The following CCDC141 variants were observed in gnomAD, a reference collection of about 807,000 sequenced individuals.
CCDC141 encodes coiled-coil domain-containing protein 141.
Under a neutral mutation model 181.0 loss-of-function variants are expected in CCDC141, and 168 were observed. That is an observed-to-expected ratio of 0.93 (90% CI 0.82 to 1.05). The LOEUF is 1.05. CCDC141 is among the 50% of genes least tolerant of loss of function. CCDC141 has a pLI of 0.00. For missense variants in CCDC141, 1,902 were observed against 1,788.5 expected (o/e 1.06, Z -1.14); for synonymous variants, 666 against 642.3 (o/e 1.04, Z -0.56).
intron 2 of CCDC141, among the ~76,000 whole-genome samples, chr2:179,032,997 A>ATATATATATATAATATATAATAT (rs1475225678): frequency 1.1e-4 from 16 of 145,562 alleles, no homozygotes; most frequent in African/African-American, 3.8e-4. Context: ...TCAGAATATT[A>ATATATATATATAATATATAATAT]TATATATATA....
chr2:179,036,364 C>A (rs747572260), intron 2 of CCDC141, among the ~76,000 whole-genome samples: 1 of 152,204 alleles, frequency 6.6e-6, no homozygotes, highest in Admixed American at 6.5e-5. Flanking sequence ...GTTGAAGAAG[C>A]CTATTTTAAT....
intron 21 of CCDC141, among the ~76,000 whole-genome samples, chr2:178,849,689 GA>G (rs202024697): frequency 2.7e-5 from 4 of 150,376 alleles, no homozygotes; most frequent in Admixed American, 1.3e-4. Flanking sequence ...ATTTGGAGAG[GA>G]AAAAAAAACC....
At chr2:179,010,982 C>A (rs1232996676) in intron 2 of CCDC141, among the ~76,000 whole-genome samples, 1 of 151,970 alleles carries the variant, frequency 6.6e-6, no homozygotes, top group Non-Finnish European at 1.5e-5. Context: ...CATGGTGAAA[C>A]CCTGACTCTA....
chr2:178,915,311 C>T (rs1219728268), intron 7 of CCDC141, among the ~76,000 whole-genome samples: 1 of 152,172 alleles, frequency 6.6e-6, no homozygotes, highest in Non-Finnish European at 1.5e-5. Flanking sequence ...TAAGTCTATT[C>T]TGCAGATAAA....
chr2:179,009,319 C>G lies in CCDC141; in HGVS notation c.226-30644G>C, dbSNP rs906257263. On this transcript the variant is annotated intron_variant, in intron 2 of 23. Transcript: ENST00000443758. ...AACTTCCTTTTAAATAGTTCTCCCC[C>G]CTGGGGGTTGAAAAGCCTTGTTTTG... 1.2e-4 allele frequency among the ~76,000 whole-genome samples: 18 copies of G among 152,248 alleles called. No individual in the cohort carries two copies. In the South Asian group the frequency reaches 1.2e-3, roughly 11 times the overall value.
At chr2:178,918,219 G>A (rs1266732878) in intron 7 of CCDC141, among the ~76,000 whole-genome samples, 2 of 151,868 alleles carry the variant, frequency 1.3e-5, no homozygotes, top group Non-Finnish European at 2.9e-5. Flanking sequence ...AGGCCAGCCT[G>A]CACAACATAG....
intron 2 of CCDC141, among the ~76,000 whole-genome samples, chr2:178,981,650 A>ATG (rs1553495351): frequency 4.7e-5 from 6 of 127,320 alleles, no homozygotes; most frequent in Non-Finnish European, 9.9e-5. Context: ...ATATATATAT[A>ATG]TATATATACA....
intron 2 of CCDC141, among the ~76,000 whole-genome samples, chr2:179,028,618 T>C (rs185752662): frequency 6.6e-6 from 1 of 152,220 alleles, no homozygotes; most frequent in African/African-American, 2.4e-5. Flanking sequence ...GTTTTTCTTA[T>C]CCTATAGGAT....
Position 178,837,304 on chromosome 2 carries a change from G to T in CCDC141, c.3915C>A (p.Phe1305Leu), listed in dbSNP as rs769688574. The T allele has an allele frequency of 6.2e-7, 1 of 1,614,060 alleles. No individual in the cohort carries two copies. ...KAEPPLTSRG[F>L]VEKSTALHRI... ...TGTGTAAGGCAGTACTCTTTTCCACGAATCCTCTGGAGGTTAGTGGGGGCT... is the reference window on the plus strand; with the variant it reads ...TGTGTAAGGCAGTACTCTTTTCCACTAATCCTCTGGAGGTTAGTGGGGGCT... Residue 1305 changes from phenylalanine (F) to leucine (L), a missense_variant, in exon 23 of 24, where the codon TTC becomes TTA. Phe to Leu is a conservative substitution (Grantham distance 22). Coordinates refer to ENST00000443758, the MANE Select transcript of CCDC141 (RefSeq NM_173648.4).
intron 22 of CCDC141, among the ~76,000 whole-genome samples, chr2:178,839,397 A>G (rs1439470787): frequency 1.4e-5 from 2 of 146,224 alleles, no homozygotes; most frequent in African/African-American, 5.1e-5. Context: ...TGGGCAACAG[A>G]GTGAGACTCT....
chr2:178,964,975 C>A (rs906863883), intron 4 of CCDC141, among the ~76,000 whole-genome samples: 3 of 152,152 alleles, frequency 2.0e-5, no homozygotes, highest in Non-Finnish European at 2.9e-5. Flanking sequence ...TAAAATACAT[C>A]ATATTTTATA....
intron 5 of CCDC141, among the ~76,000 whole-genome samples, chr2:178,959,627 G>A (rs1690310316): frequency 6.6e-6 from 1 of 152,224 alleles, no homozygotes; most frequent in Non-Finnish European, 1.5e-5. Flanking sequence ...GTGCATGTGA[G>A]AGTGTATAAT....
At chr2:178,865,675 G>C in intron 17 of CCDC141, 92 bp downstream of exon 17, 1 of 1,173,100 alleles carries the variant, frequency 8.5e-7, no homozygotes, top group Non-Finnish European at 1.1e-6. Context: ...GCATGTGTGT[G>C]GGAGTGTGCA....
intron 2 of CCDC141, among the ~76,000 whole-genome samples, chr2:179,042,661 G>C (rs1180447595): frequency 1.3e-5 from 2 of 152,138 alleles, no homozygotes; most frequent in East Asian, 3.8e-4. Flanking sequence ...GAAGTTCTTT[G>C]AAACTAATGA....
At chr2:178,871,667 T>A in intron 13 of CCDC141, 115 bp from the exon 14 acceptor site, 1 of 1,191,500 alleles carries the variant, frequency 8.4e-7, no homozygotes. Context: ...ATGAAAACAC[T>A]CAGGATGTGG....
At chr2:178,979,669 G>A (rs1037827318) in intron 2 of CCDC141, among the ~76,000 whole-genome samples, 3 of 152,136 alleles carry the variant, frequency 2.0e-5, no homozygotes, top group Non-Finnish European at 4.4e-5. Context: ...GAGAAAGCAG[G>A]ACTATAATAC....
At chr2:178,967,079 G>C (rs561377476) in intron 4 of CCDC141, among the ~76,000 whole-genome samples, 113 of 152,114 alleles carry the variant, frequency 7.4e-4, no homozygotes, top group Non-Finnish European at 1.4e-3. Context: ...AACAAGCAAA[G>C]CCTCCAAGAA....
chr2:178,829,073 T>C (rs960548498), downstream of CCDC141, among the ~76,000 whole-genome samples: 27 of 152,188 alleles, frequency 1.8e-4, no homozygotes, highest in Admixed American at 1.4e-3. Context: ...AGAATACAGA[T>C]AGAAAACTTC....
intron 5 of CCDC141, among the ~76,000 whole-genome samples, chr2:178,945,485 A>G (rs1689690503): frequency 6.6e-6 from 1 of 152,140 alleles, no homozygotes; most frequent in African/African-American, 2.4e-5. Context: ...TTGAAGAGGC[A>G]GCTTATCCAC....
Sources: gnomAD v4.1 joint callset for allele counts (sites outside exome capture counted in the v4.1 genomes callset) on GRCh38, gnomAD v4.1.1 for gene constraint, MANE v1.5 for transcripts, NCBI Gene and HGNC (gene_info 2026-07-23, HGNC 2026-07-21) for gene names.